Variants in VEGFC observed in about 807,000 individuals in gnomAD.
VEGFC encodes the protein vascular endothelial growth factor C.
A neutral mutation model predicts 46.1 loss-of-function variants in VEGFC; 12 were observed. The observed-to-expected ratio is 0.26, with a 90% CI of 0.17 to 0.42. VEGFC has a LOEUF of 0.42. Among genes scored for constraint, VEGFC ranks in the 10% least tolerant of loss-of-function variants. The pLI, the probability that VEGFC is intolerant of heterozygous loss-of-function variation, is 1.00. For synonymous variants in VEGFC, 232 were observed against 195.5 expected, an observed-to-expected ratio of 1.19 and a Z score of -1.56; for missense variants, 488 against 529.4, an observed-to-expected ratio of 0.92 and a Z score of 0.77.
intron 1 of VEGFC, among the ~76,000 whole-genome samples, chr4:176,740,798 G>T (rs865968467): frequency 6.6e-6 from 1 of 151,664 alleles, no homozygotes; most frequent in East Asian, 1.9e-4. Context: ...TTTGTCCGAA[G>T]TTCAGGTGAT....
At chr4:176,755,097 T>C (rs1233454562) in intron 1 of VEGFC, among the ~76,000 whole-genome samples, 3 of 152,060 alleles carry the variant, frequency 2.0e-5, no homozygotes, top group Non-Finnish European at 4.4e-5. Flanking sequence ...CATCTGTTGG[T>C]TCCAATTCGT....
chr4:176,785,847 T>C (rs1579144156), intron 1 of VEGFC, among the ~76,000 whole-genome samples: 1 of 152,196 alleles, frequency 6.6e-6, no homozygotes, highest in South Asian at 2.1e-4. Context: ...GGGTTCTGTG[T>C]ATGTGTATCT....
At chr4:176,743,950 G>T (rs2110883689) in intron 1 of VEGFC, among the ~76,000 whole-genome samples, 1 of 151,916 alleles carries the variant, frequency 6.6e-6, no homozygotes, top group African/African-American at 2.4e-5. Flanking sequence ...TTCCAAAAAT[G>T]TTGGTCATCA....
chr4:176,749,058 A>C (rs548641814), intron 1 of VEGFC, among the ~76,000 whole-genome samples: 1 of 152,046 alleles, frequency 6.6e-6, no homozygotes, highest in Non-Finnish European at 1.5e-5. Flanking sequence ...ATCTCAACCT[A>C]AACTTAGATA....
At chr4:176,696,888 A>T (rs1179075183) in intron 4 of VEGFC, among the ~76,000 whole-genome samples, 1 of 152,142 alleles carries the variant, frequency 6.6e-6, no homozygotes, top group Non-Finnish European at 1.5e-5. Context: ...TGGGGAAAGG[A>T]TGCCCTATTT....
chr4:176,724,895 T>G (rs1283888792), intron 3 of VEGFC, among the ~76,000 whole-genome samples: 1 of 152,074 alleles, frequency 6.6e-6, no homozygotes, highest in Non-Finnish European at 1.5e-5. Flanking sequence ...AGAAGAATAC[T>G]GATTATCAGA....
chr4:176,711,629 G>A lies in VEGFC; in HGVS notation c.574C>T (p.Leu192Phe). The A allele has an allele frequency of 6.2e-7, 1 of 1,613,334 alleles. No individual in the cohort carries two copies. ...SKTLFEITVP[L>F]SQGPKPVTIS... is the part of the protein sequence containing the mutation. ...GTTACTGGTTTGGGGCCTTGAGAGA[G>A]AGGCACTGTAATTTCAAATAACTAC... The change falls in exon 4 of 7, where the codon CTC becomes TTC. Residue 192 changes from leucine to phenylalanine, a missense_variant. Coordinates refer to ENST00000618562, the MANE Select transcript of VEGFC (RefSeq NM_005429.5).
intron 1 of VEGFC, among the ~76,000 whole-genome samples, chr4:176,741,537 C>T (rs887406868): frequency 6.6e-6 from 1 of 151,870 alleles, no homozygotes; most frequent in Non-Finnish European, 1.5e-5. Flanking sequence ...ACCGTCAGAT[C>T]TTAATTTTAA....
chr4:176,742,432 C>G (rs1258515106), intron 1 of VEGFC, among the ~76,000 whole-genome samples: 1 of 151,900 alleles, frequency 6.6e-6, no homozygotes, highest in African/African-American at 2.4e-5. Context: ...TTCTTTTCCT[C>G]TTATATAGTA....
At chr4:176,717,223 T>C (rs1734714227) in intron 3 of VEGFC, among the ~76,000 whole-genome samples, 1 of 152,080 alleles carries the variant, frequency 6.6e-6, no homozygotes, top group Admixed American at 6.6e-5. Flanking sequence ...ATACCAGTTG[T>C]TGGTTTTGGA....
At chr4:176,709,403 C>T (rs1734585528) in intron 4 of VEGFC, among the ~76,000 whole-genome samples, 1 of 152,178 alleles carries the variant, frequency 6.6e-6, no homozygotes, top group Non-Finnish European at 1.5e-5. Flanking sequence ...TAATCCAGTT[C>T]CACATGCAAC....
chr4:176,709,863 T>C (rs1008140373), intron 4 of VEGFC, among the ~76,000 whole-genome samples: 2 of 152,186 alleles, frequency 1.3e-5, no homozygotes, highest in African/African-American at 4.8e-5. Context: ...AGTATTAATA[T>C]CACTGCATTA....
At chr4:176,691,068 G>A (rs550575037) in intron 4 of VEGFC, among the ~76,000 whole-genome samples, 7 of 152,222 alleles carry the variant, frequency 4.6e-5, no homozygotes, top group Admixed American at 3.9e-4. Flanking sequence ...AGAAAGCACC[G>A]TGCTTCAAAA....
In VEGFC at chr4:176,687,502, T is replaced by A; in HGVS notation, c.830A>T (p.His277Leu). 6.2e-7 allele frequency: 1 copy of A among 1,607,554 alleles called. No homozygotes were observed. Among genetic ancestry groups the A allele is most frequent in the Non-Finnish European group, 8.5e-7 (1 of 1,176,674 alleles). The change falls in exon 6 of 7, where the codon CAT becomes CTT. Residue 277 changes from histidine (H) to leucine (L), a missense_variant. Coordinates refer to ENST00000618562, the MANE Select transcript of VEGFC (RefSeq NM_005429.5). Reference sequence around the variant, plus strand: ...CTCCTTGTTTGGTCCACAGATGTCATGGAATCCATCTGTTGAGTCTAGACA... The same window carrying A: ...CTCCTTGTTTGGTCCACAGATGTCAAGGAATCCATCTGTTGAGTCTAGACA... ...DAGDDSTDGF[H>L]DICGPNKELD...
chr4:176,736,869 A>G (rs887601818), intron 1 of VEGFC, among the ~76,000 whole-genome samples: 1 of 151,580 alleles, frequency 6.6e-6, no homozygotes, highest in African/African-American at 2.4e-5. Flanking sequence ...TAGCAATAGA[A>G]AAAACTATAG....
At chr4:176,738,165 C>T (rs1241703923) in intron 1 of VEGFC, among the ~76,000 whole-genome samples, 1 of 151,996 alleles carries the variant, frequency 6.6e-6, no homozygotes, top group African/African-American at 2.4e-5. Flanking sequence ...TTCCATTAAA[C>T]TACCATTGGT....
chr4:176,720,252 A>G (rs1734761099), intron 3 of VEGFC, among the ~76,000 whole-genome samples: 1 of 152,138 alleles, frequency 6.6e-6, no homozygotes, highest in Non-Finnish European at 1.5e-5. Context: ...TAAGCACACC[A>G]GGCTTCAAAT....
chr4:176,764,268 G>GA (rs1735578294), intron 1 of VEGFC, among the ~76,000 whole-genome samples: 1 of 152,176 alleles, frequency 6.6e-6, no homozygotes, highest in Non-Finnish European at 1.5e-5. Context: ...GTAAGAGGCT[G>GA]AAAATCCAGG....
intron 4 of VEGFC, among the ~76,000 whole-genome samples, chr4:176,690,112 T>C (rs1027280337): frequency 3.3e-5 from 5 of 152,202 alleles, no homozygotes; most frequent in Non-Finnish European, 7.3e-5. Context: ...TTAACATTAC[T>C]GGATTTTAAT....
Sources: gnomAD v4.1 joint callset for allele counts (sites outside exome capture counted in the v4.1 genomes callset) on GRCh38, gnomAD v4.1.1 for gene constraint, MANE v1.5 for transcripts, NCBI Gene and HGNC (gene_info 2026-07-23, HGNC 2026-07-21) for gene names.